SUMF1: variants seen among roughly 807,000 people sequenced by gnomAD.
SUMF1 encodes sulfatase modifying factor 1.
Under a neutral mutation model 47.6 loss-of-function variants are expected in SUMF1, and 48 were observed. That is an observed-to-expected ratio of 1.01 (90% confidence interval 0.80 to 1.28). SUMF1 has a LOEUF of 1.28. Ranked by LOEUF, SUMF1 falls within the 50% of genes most tolerant of loss-of-function variation. SUMF1 has a pLI of 0.00. For synonymous variants in SUMF1, 230 were observed against 192.1 expected (o/e 1.20, Z -1.63); for missense variants, 571 against 485.4 (o/e 1.18, Z -1.66).
chr3:4,411,671 T>G (rs1385518380), intron 6 of SUMF1, among the ~76,000 whole-genome samples: 1 of 138,328 alleles, frequency 7.2e-6, no homozygotes, highest in African/African-American at 2.8e-5. Context: ...AGGACCAAAG[T>G]GCAGAGTTTT....
intron 8 of SUMF1, among the ~76,000 whole-genome samples, chr3:4,291,461 C>A (rs955259057): frequency 2.0e-5 from 3 of 152,042 alleles, no homozygotes; most frequent in African/African-American, 7.2e-5. Context: ...TTCTTTTTAC[C>A]ACTTTATTTC....
intron 8 of SUMF1, among the ~76,000 whole-genome samples, chr3:4,094,461 A>G (rs1692857093): frequency 6.6e-6 from 1 of 152,108 alleles, no homozygotes; most frequent in African/African-American, 2.4e-5. Flanking sequence ...GTAGTGAAAA[A>G]TGACTTCCAA....
chr3:4,461,057 C>T (rs2079803250), intron 1 of SUMF1, among the ~76,000 whole-genome samples: 1 of 152,178 alleles, frequency 6.6e-6, no homozygotes, highest in African/African-American at 2.4e-5. Flanking sequence ...TAGCATGGTG[C>T]ATGGTCCACA....
At chr3:4,416,176 A>G (rs1287146307) in intron 6 of SUMF1, among the ~76,000 whole-genome samples, 1 of 152,204 alleles carries the variant, frequency 6.6e-6, no homozygotes, top group African/African-American at 2.4e-5. Context: ...CAGTTTGGCC[A>G]TATATCTGAA....
chr3:4,143,544 T>G (rs1313174567), intron 8 of SUMF1, among the ~76,000 whole-genome samples: 3 of 152,172 alleles, frequency 2.0e-5, no homozygotes, highest in Non-Finnish European at 4.4e-5. Context: ...TTTGACATTA[T>G]TATTATTTTG....
At chr3:4,039,543 G>T (rs532149732) in intron 9 of SUMF1, among the ~76,000 whole-genome samples, 2 of 144,550 alleles carry the variant, frequency 1.4e-5, no homozygotes, top group Admixed American at 1.4e-4. Flanking sequence ...CCCTACAAAG[G>T]ATATGAACTC....
chr3:4,236,443 G>T (rs2124989968), intron 8 of SUMF1, among the ~76,000 whole-genome samples: 1 of 152,124 alleles, frequency 6.6e-6, no homozygotes, highest in Non-Finnish European at 1.5e-5. Context: ...GGAAAAGGGG[G>T]AAAATACATT....
intron 8 of SUMF1, among the ~76,000 whole-genome samples, chr3:4,159,486 A>G (rs1213190977): frequency 2.7e-5 from 4 of 150,422 alleles, no homozygotes; most frequent in Non-Finnish European, 5.9e-5. Context: ...TGTTTTTTCT[A>G]TTTATATCTT....
At chr3:4,153,994 C>T (rs1169268287) in intron 8 of SUMF1, among the ~76,000 whole-genome samples, 1 of 151,586 alleles carries the variant, frequency 6.6e-6, no homozygotes, top group Non-Finnish European at 1.5e-5. Context: ...ATTCCTTCAA[C>T]TTGCAAAGAG....
intron 8 of SUMF1, among the ~76,000 whole-genome samples, chr3:4,235,621 AC>A (rs1277087699): frequency 6.6e-6 from 1 of 152,104 alleles, no homozygotes; most frequent in African/African-American, 2.4e-5. Context: ...ATATCATAAA[AC>A]CAAATGTATT....
chr3:4,110,807 C>T (rs1574892542), intron 8 of SUMF1, among the ~76,000 whole-genome samples: 1 of 128,804 alleles, frequency 7.8e-6, no homozygotes, highest in East Asian at 2.2e-4. Context: ...AACACTTGGA[C>T]ACAGGAAGGG....
rs573805559 is a variant in SUMF1 at position 4,266,160 on chromosome 3, G to A, written c.1014+110170C>T. On this transcript the variant is annotated intron_variant and NMD_transcript_variant, in intron 8 of 12. Transcript: ENST00000448413. The stretch of plus-strand genomic sequence containing the variant: ...TTGTAGTATAGTTTGAAGTCAGGTA[G>A]CGTGATGCCTCCAGCTTTGTTCTTT... Among the ~76,000 whole-genome samples, 4 of 152,304 alleles carry A rather than the reference G, an allele frequency of 2.6e-5. No individual in the cohort carries two copies. In the East Asian group the frequency reaches 5.8e-4, roughly 22 times the overall value.
chr3:4,139,361 C>G (rs1396002691), intron 8 of SUMF1, among the ~76,000 whole-genome samples: 4 of 151,662 alleles, frequency 2.6e-5, no homozygotes, highest in African/African-American at 9.7e-5. Flanking sequence ...CATAGCTTGG[C>G]TATGGATATA....
At chr3:4,343,152 G>T (rs1255754783) in intron 8 of SUMF1, among the ~76,000 whole-genome samples, 4 of 152,230 alleles carry the variant, frequency 2.6e-5, no homozygotes, top group Non-Finnish European at 5.9e-5. Flanking sequence ...CTATAACATG[G>T]AGATGGGAGA....
At chr3:4,461,565 C>A (rs1357531499) in intron 1 of SUMF1, among the ~76,000 whole-genome samples, 2 of 152,206 alleles carry the variant, frequency 1.3e-5, no homozygotes, top group African/African-American at 4.8e-5. Context: ...ATCTTCTTCT[C>A]CCTCAAGGTG....
At chr3:4,455,778 T>C (rs1703141123) in intron 1 of SUMF1, among the ~76,000 whole-genome samples, 1 of 152,154 alleles carries the variant, frequency 6.6e-6, no homozygotes, top group Non-Finnish European at 1.5e-5. Flanking sequence ...GATGGCTTCA[T>C]GGCAGAATTC....
chr3:4,167,042 C>A (rs1278601690), intron 8 of SUMF1, among the ~76,000 whole-genome samples: 2 of 152,030 alleles, frequency 1.3e-5, no homozygotes, highest in Admixed American at 1.3e-4. Context: ...TCTGATGGTA[C>A]TCACCACGTG....
chr3:4,315,991 G>T (rs1698622630), intron 8 of SUMF1, among the ~76,000 whole-genome samples: 2 of 146,124 alleles, frequency 1.4e-5, no homozygotes, highest in Non-Finnish European at 3.0e-5. Flanking sequence ...AGGTTGCAGT[G>T]AGCCAAGACT....
At chr3:4,289,029 C>A (rs555915144) in intron 8 of SUMF1, among the ~76,000 whole-genome samples, 4 of 152,228 alleles carry the variant, frequency 2.6e-5, no homozygotes, top group Non-Finnish European at 4.4e-5. Context: ...TTTTCTGCTA[C>A]AGTACATAGC....
Sources: allele counts gnomAD v4.1 joint callset (sites outside exome capture counted in the v4.1 genomes callset), GRCh38; gene constraint gnomAD v4.1.1; transcripts MANE v1.5; gene names NCBI Gene and HGNC (gene_info 2026-07-23, HGNC 2026-07-21).